DIP2C: variants seen among roughly 807,000 people sequenced by gnomAD.
DIP2C encodes the protein DIP2 acetate--CoA ligase C (putative).
DIP2C carries 33 observed loss-of-function variants against 192.4 expected under a neutral mutation model. The observed-to-expected ratio is 0.17, with a 90% CI of 0.13 to 0.23. The LOEUF (loss-of-function observed/expected upper bound fraction) is 0.23. DIP2C is among the 10% of genes least tolerant of loss of function. The pLI, the probability that DIP2C is intolerant of heterozygous loss-of-function variation, is 1.00. For synonymous variants in DIP2C, 979 were observed against 864.1 expected (o/e 1.13, Z -2.33); for missense variants, 1,537 against 2,110.1 (o/e 0.73, Z 5.32).
chr10:343,378 G>A (rs1172221700), intron 28 of DIP2C, among the ~76,000 whole-genome samples: 1 of 152,160 alleles, frequency 6.6e-6, no homozygotes, highest in Non-Finnish European at 1.5e-5. Context: ...TGTAATAACT[G>A]GGGAAATCCA....
At chr10:574,600 A>T (rs1402479569) in intron 1 of DIP2C, among the ~76,000 whole-genome samples, 4 of 152,192 alleles carry the variant, frequency 2.6e-5, no homozygotes. Flanking sequence ...TCTTCATGGG[A>T]AAACCGAAAC....
intron 10 of DIP2C, among the ~76,000 whole-genome samples, chr10:396,834 G>T (rs541088843): frequency 3.2e-5 from 2 of 62,788 alleles, no homozygotes; most frequent in African/African-American, 7.6e-5. Context: ...GGTGGGGGGG[G>T]GGGAAACTGG....
At chr10:536,431 G>A (rs974194493) in intron 1 of DIP2C, among the ~76,000 whole-genome samples, 5 of 148,764 alleles carry the variant, frequency 3.4e-5, no homozygotes, top group African/African-American at 7.4e-5. Flanking sequence ...CCATAGGGAC[G>A]TCACAGTCCC....
intron 1 of DIP2C, among the ~76,000 whole-genome samples, chr10:637,755 G>GT (rs1438401274): frequency 1.3e-5 from 2 of 152,198 alleles, no homozygotes; most frequent in African/African-American, 4.8e-5. Flanking sequence ...AAACAAAGAG[G>GT]TCTTCAGAGG....
chr10:341,420 T>G, intron 28 of DIP2C, 91 bp from the exon 29 acceptor site: 1 of 1,555,244 alleles, frequency 6.4e-7, no homozygotes, highest in South Asian at 1.1e-5. Context: ...CAAGGCTGTG[T>G]TGAACGCATC....
In DIP2C at chr10:450,535, T is replaced by C. The variant is rs552286779; in HGVS notation, c.269-9539A>G. Among the ~76,000 whole-genome samples, 7 of 152,266 alleles carry C rather than the reference T, an allele frequency of 4.6e-5. No individual in the cohort carries two copies. In the East Asian group the frequency reaches 1.4e-3, roughly 29 times the overall value. On this transcript the variant is annotated intron_variant, in intron 3 of 36. Coordinates refer to ENST00000280886, the MANE Select transcript of DIP2C (RefSeq NM_014974.3). ...TTGACATTGAAAATAAAAAAGACTG[T>C]ATAAAAATGATGCAGAGAATTCTTC...
chr10:412,714 A>T (rs1274906052), intron 8 of DIP2C, among the ~76,000 whole-genome samples: 1 of 152,184 alleles, frequency 6.6e-6, no homozygotes, highest in Non-Finnish European at 1.5e-5. Flanking sequence ...TCCACGGTTC[A>T]ACATAGCATC....
At chr10:477,718 G>GAAGAAAGAGAAGGAAAGA (rs1395432694) in intron 2 of DIP2C, among the ~76,000 whole-genome samples, 6 of 138,426 alleles carry the variant, frequency 4.3e-5, no homozygotes, top group African/African-American at 1.3e-4. Context: ...AAAGGAGAGA[G>GAAGAAAGAGAAGGAAAGA]AAGAAAGAGA....
chr10:394,774 G>GA (rs1963832256), intron 10 of DIP2C, among the ~76,000 whole-genome samples: 1 of 145,742 alleles, frequency 6.9e-6, no homozygotes, highest in Non-Finnish European at 1.5e-5. Flanking sequence ...TGCTGAACAG[G>GA]AAGGACGCTA....
At chr10:570,327 G>C (rs1849706370) in intron 1 of DIP2C, among the ~76,000 whole-genome samples, 1 of 152,176 alleles carries the variant, frequency 6.6e-6, no homozygotes, top group South Asian at 2.1e-4. Flanking sequence ...AAGAGGCCAA[G>C]CACAGGGCCC....
intron 1 of DIP2C, among the ~76,000 whole-genome samples, chr10:536,010 C>G (rs1188211082): frequency 6.6e-6 from 1 of 152,222 alleles, no homozygotes; most frequent in Non-Finnish European, 1.5e-5. Context: ...GGTACGTCAG[C>G]TCCCCTGGGT....
chr10:296,914 G>A (rs1955781487), intron 32 of DIP2C, among the ~76,000 whole-genome samples: 1 of 149,080 alleles, frequency 6.7e-6, no homozygotes, highest in Non-Finnish European at 1.5e-5. Flanking sequence ...GGGAGGGATA[G>A]CATTAGGAGA....
intron 1 of DIP2C, chr10:667,692 A>G (rs1454187073): frequency 6.6e-6 from 1 of 152,240 alleles, no homozygotes; most frequent in Non-Finnish European, 1.5e-5. Flanking sequence ...ACACATACAC[A>G]CATACAGCAC....
chr10:320,555 C>G (rs1300302456), intron 31 of DIP2C, among the ~76,000 whole-genome samples: 1 of 151,780 alleles, frequency 6.6e-6, no homozygotes, highest in Non-Finnish European at 1.5e-5. Flanking sequence ...CAAAATGTAT[C>G]CAACATCCAG....
At chr10:569,510 T>C (rs189158998) in intron 1 of DIP2C, among the ~76,000 whole-genome samples, 6 of 152,124 alleles carry the variant, frequency 3.9e-5, no homozygotes, top group Admixed American at 6.5e-5. Flanking sequence ...AAACGCAAAA[T>C]AACAAACCAA....
At chr10:627,056 G>A (rs988078159) in intron 1 of DIP2C, among the ~76,000 whole-genome samples, 9 of 152,198 alleles carry the variant, frequency 5.9e-5, no homozygotes, top group African/African-American at 7.2e-5. Flanking sequence ...TGACTGCCTC[G>A]CTCGCCGTAC....
chr10:509,920 C>CT (rs1439525398), intron 1 of DIP2C, among the ~76,000 whole-genome samples: 3 of 152,222 alleles, frequency 2.0e-5, no homozygotes, highest in Non-Finnish European at 4.4e-5. Context: ...CAAGAGGAAG[C>CT]TTCCCAGGGC....
intron 31 of DIP2C, chr10:311,666 A>G (rs1450907266): frequency 1.3e-5 from 13 of 1,035,512 alleles, no homozygotes; most frequent in Non-Finnish European, 1.6e-5. Flanking sequence ...CCCGACAGTG[A>G]AAAATGGGAT....
chr10:596,619 A>G (rs1292038649), intron 1 of DIP2C, among the ~76,000 whole-genome samples: 1 of 151,686 alleles, frequency 6.6e-6, no homozygotes, highest in Non-Finnish European at 1.5e-5. Context: ...CAGGAGACGT[A>G]GGTGAATAGG....
Sources: gnomAD v4.1 joint callset for allele counts (sites outside exome capture counted in the v4.1 genomes callset) on GRCh38, gnomAD v4.1.1 for gene constraint, MANE v1.5 for transcripts, NCBI Gene and HGNC (gene_info 2026-07-23, HGNC 2026-07-21) for gene names.